Variants in CLASRP observed in about 807,000 individuals in gnomAD.
The protein encoded by CLASRP is CLK4-associating serine/arginine rich protein.
Under a neutral mutation model 99.9 loss-of-function variants are expected in CLASRP, and 52 were observed. That is an observed-to-expected ratio of 0.52 (90% CI 0.42 to 0.66). CLASRP has a LOEUF of 0.66. CLASRP is among the 30% of genes least tolerant of loss of function. The pLI is 0.00. For missense variants in CLASRP, 848 were observed against 999.2 expected (o/e 0.85, Z 2.04); for synonymous variants, 379 against 373.0 (o/e 1.02, Z -0.18).
chr19:45,059,049 GT>G (rs1198955805), intron 7 of CLASRP, among the ~76,000 whole-genome samples: 2 of 151,804 alleles, frequency 1.3e-5, no homozygotes, highest in Admixed American at 6.6e-5. Context: ...TTCAAGCCCT[GT>G]CCCCGAGCTG....
At chr19:45,061,306 G>T (rs928943665) in intron 10 of CLASRP, among the ~76,000 whole-genome samples, 4 of 152,214 alleles carry the variant, frequency 2.6e-5, no homozygotes, top group African/African-American at 9.6e-5. Flanking sequence ...ATTGCTGTCA[G>T]CGGTGGCACA....
intron 2 of CLASRP, among the ~76,000 whole-genome samples, chr19:45,049,985 G>A (rs1971991349): frequency 6.6e-6 from 1 of 152,146 alleles, no homozygotes; most frequent in South Asian, 2.1e-4. Context: ...AGATAAGTGG[G>A]GAGCTATTTA....
intron 5 of CLASRP, 51 bp downstream of exon 5, chr19:45,053,228 G>A (rs1972059774): frequency 1.9e-6 from 3 of 1,579,834 alleles, no homozygotes; most frequent in Non-Finnish European, 2.6e-6. Flanking sequence ...CCTGGAGCCT[G>A]GAAGACCTAG....
At chr19:45,059,875 G>T (rs114660492) in intron 8 of CLASRP, among the ~76,000 whole-genome samples, 3,152 of 152,122 alleles carry the variant, frequency 0.021, 115 homozygotes, top group African/African-American at 0.072. Context: ...TGGCCGAAAG[G>T]TCTTACCCAT....
intron 15 of CLASRP, 30 bp from the exon 16 acceptor site, chr19:45,068,390 C>G (rs1216023581): frequency 7.8e-7 from 1 of 1,280,858 alleles, no homozygotes; most frequent in Non-Finnish European, 1.1e-6. Flanking sequence ...ACACCCACCC[C>G]CTCTCCCGCC....
intron 15 of CLASRP, 181 bp downstream of exon 15, chr19:45,068,235 C>G (rs1365313188): frequency 7.5e-6 from 5 of 668,906 alleles, no homozygotes; most frequent in Middle Eastern, 4.0e-4. Flanking sequence ...TCACTGTACA[C>G]TGGGGCTCCA....
At chr19:45,064,279 C>G in intron 12 of CLASRP, 52 bp downstream of exon 12, 5 of 1,523,436 alleles carry the variant, frequency 3.3e-6, no homozygotes, top group Non-Finnish European at 4.4e-6. Context: ...ATGGGGGGTA[C>G]CCGGGGCAGA....
chr19:45,042,388 A>T lies in CLASRP; in HGVS notation c.99+2077A>T, dbSNP rs181005868. 2.8e-3 allele frequency among the ~76,000 whole-genome samples: 426 copies of T among 152,040 alleles called. 2 individuals are homozygous for T. Among genetic ancestry groups the T allele is most frequent in the African/African-American group, 7.8e-3 (322 of 41,488 alleles). Reference sequence around the variant, plus strand: ...GAAGAGGCTGGGGCAGTAATACAGGAGTAAATGGTAATCCCAGCTACTCGG... The same window carrying T: ...GAAGAGGCTGGGGCAGTAATACAGGTGTAAATGGTAATCCCAGCTACTCGG... On this transcript the variant is annotated intron_variant, in intron 2 of 20. Coordinates refer to ENST00000221455, the MANE Select transcript of CLASRP (RefSeq NM_007056.3).
rs769893845 is a variant in CLASRP, at chr19:45,068,464, G to A, written c.1752G>A (p.Lys584=). 25 of 1,613,292 alleles carry A rather than the reference G, an allele frequency of 1.5e-5. No homozygotes were observed. The Admixed American group carries it at 4.0e-4, about 26-fold the overall frequency. ...AGAAGCTGAAACTGAGGATGCAGAA[G>A]GCGCTGAACAGGCAGTGTATGTTCT... ...PQEKLKLRMQ[K]ALNRQFKADK... Residue 584 remains lysine (K), a synonymous_variant, in exon 16 of 21, where the codon AAG becomes AAA. Coordinates refer to ENST00000221455, the MANE Select transcript of CLASRP (RefSeq NM_007056.3).
chr19:45,059,984 C>T lies in CLASRP; in HGVS notation c.711-405C>T, dbSNP rs112394906. 8.3e-3 allele frequency among the ~76,000 whole-genome samples: 1,262 copies of T among 152,100 alleles called. 18 individuals carry two copies. The highest frequency in any genetic ancestry group is 0.013 in the Non-Finnish European group (882 of 67,974). ...TGGGCCAGCCCCTGGGCCACTCTGT[C>T]TGCTGTTCGCTTTGGACGTCTGCAG... is the stretch of plus-strand genomic sequence containing the variant. On this transcript the variant is annotated intron_variant, in intron 8 of 20. Transcript: ENST00000221455.
rs747402636 is a variant in CLASRP, at chr19:45,068,412, C to A, written c.1708-8C>A. 43 of 1,597,828 alleles carry A rather than the reference C, an allele frequency of 2.7e-5. No homozygotes were observed. In the East Asian group the frequency reaches 4.2e-4, roughly 16 times the overall value. On this transcript the variant is annotated splice_polypyrimidine_tract_variant and splice_region_variant and intron_variant, in intron 15 of 20. Coordinates refer to ENST00000221455, the MANE Select transcript of CLASRP (RefSeq NM_007056.3). ...CCCCCTCTCCCGCCTCTTCTCCCCC[C>A]TCCCCAGCCCAAGCTGACGCCTCAG...
In CLASRP at chr19:45,052,777, C is replaced by G. The variant is rs1346044725; in HGVS notation, c.198-14C>G. 2.5e-6 allele frequency: 4 copies of G among 1,599,442 alleles called. No individual in the cohort carries two copies. Among genetic ancestry groups the G allele is most frequent in the Non-Finnish European group, 3.4e-6 (4 of 1,169,364 alleles). On this transcript the variant is annotated splice_polypyrimidine_tract_variant and intron_variant, in intron 3 of 20. Coordinates refer to ENST00000221455, the MANE Select transcript of CLASRP (RefSeq NM_007056.3). ...CCCTGAGGTTCTTGCTTTCTTGCTC[C>G]CCTCCCACTTCAGGATGCCCTGGCA...
chr19:45,049,835 G>A (rs944500731), intron 2 of CLASRP, among the ~76,000 whole-genome samples: 2 of 152,172 alleles, frequency 1.3e-5, no homozygotes, highest in African/African-American at 4.8e-5. Context: ...TTCTAACATG[G>A]GAGAAAGGTG....
rs1181802908 is a variant in CLASRP at position 45,057,775 on chromosome 19, G to A, written c.490G>A (p.Gly164Ser). The stretch of plus-strand genomic sequence containing the variant: ...GCTGGCAGAGAAGAAGGCTTCCATC[G>A]GTTATACCTACGAGGACAGCACGGT... ...KKLAEKKASI[G>S]YTYEDSTVAE... Residue 164 changes from glycine (G) to serine (S), a missense_variant, in exon 7 of 21, where the codon GGT (glycine) becomes AGT (serine). Physicochemically the swap from Gly to Ser is moderately conservative, Grantham distance 56. Transcript: ENST00000221455. 3.1e-6 allele frequency: 5 copies of A among 1,614,012 alleles called. No homozygotes were observed. The highest frequency in any genetic ancestry group is 3.4e-6 in the Non-Finnish European group (4 of 1,179,928).
intron 2 of CLASRP, among the ~76,000 whole-genome samples, chr19:45,042,904 A>G (rs2122525672): frequency 6.6e-6 from 1 of 152,298 alleles, no homozygotes. Context: ...GGCGTGAGCC[A>G]CCACGCCCGG....
chr19:45,040,183 G>A lies in CLASRP; in HGVS notation c.-29-1G>A, dbSNP rs572924030. ...ACTTTCCTGGTCCCTTCATCCCTCA[G>A]GTTGAGGCCCCAGGCTTGGCCTCAC... On this transcript the variant is annotated splice_acceptor_variant, in intron 1 of 20. Coordinates refer to ENST00000221455, the MANE Select transcript of CLASRP (RefSeq NM_007056.3). LOFTEE classifies it low-confidence loss of function (5UTR_SPLICE). The A allele has an allele frequency of 3.2e-6, 5 of 1,560,752 alleles. No individual in the cohort carries two copies. In the East Asian group the frequency reaches 9.1e-5, roughly 28 times the overall value.
chr19:45,052,814 A>G lies in CLASRP; in HGVS notation c.221A>G (p.Asn74Ser). The G allele has an allele frequency of 5.6e-6, 9 of 1,612,558 alleles. No individual in the cohort carries two copies. Among genetic ancestry groups the G allele is most frequent in the Non-Finnish European group, 6.8e-6 (8 of 1,179,420 alleles). ...VNMMPWQGDT[N>S]NMIDRFDVRA... ...AGGATGCCCTGGCAGGGGGACACCA[A>G]CAACATGATTGACCGATTCGATGTC... The change falls in exon 4 of 21, where the codon AAC becomes AGC. Residue 74 changes from asparagine to serine, a missense_variant. Asn to Ser is a conservative substitution (Grantham distance 46). Coordinates refer to ENST00000221455, the MANE Select transcript of CLASRP (RefSeq NM_007056.3).
At chr19:45,049,630 T>A (rs1971984948) in intron 2 of CLASRP, among the ~76,000 whole-genome samples, 1 of 151,864 alleles carries the variant, frequency 6.6e-6, no homozygotes, top group Non-Finnish European at 1.5e-5. Context: ...GGAGACAGAG[T>A]GAGGATGTGC....
At chr19:45,047,393 C>T (rs1392190781) in intron 2 of CLASRP, 1 of 114,400 alleles carries the variant, frequency 8.7e-6, no homozygotes, top group East Asian at 2.6e-4. Flanking sequence ...GCCTGGGTGA[C>T]AGAGCAAGAC....
Sources: gnomAD v4.1 joint callset for allele counts (sites outside exome capture counted in the v4.1 genomes callset) on GRCh38, gnomAD v4.1.1 for gene constraint, MANE v1.5 for transcripts, NCBI Gene and HGNC (gene_info 2026-07-23, HGNC 2026-07-21) for gene names.